The following PEX5L variants were observed in gnomAD, a reference collection of about 807,000 sequenced individuals.
The protein encoded by PEX5L is PEX5-related protein.
PEX5L carries 30 observed loss-of-function variants against 84.0 expected under a neutral mutation model. That is an observed-to-expected ratio of 0.36 (90% CI 0.27 to 0.48). The LOEUF is 0.48. Ranked by LOEUF, PEX5L falls within the 20% of genes least tolerant of loss-of-function variation. The pLI, the probability that PEX5L is intolerant of heterozygous loss-of-function variation, is 0.99. For synonymous variants in PEX5L, 270 were observed against 283.1 expected (o/e 0.95, Z 0.46); for missense variants, 533 against 754.6 (o/e 0.71, Z 3.44).
In PEX5L at chr3:179,874,482, C is replaced by T. The variant is rs549124805; in HGVS notation, c.630-59G>A. 2.7e-5 allele frequency: 24 copies of T among 903,786 alleles called. No homozygotes were observed. The African/African-American group carries it at 2.8e-4, about 11-fold the overall frequency. The allele number at this position is 903,786 out of a possible 1,614,324, so 56.0% of individuals were successfully genotyped here. A position where few individuals can be genotyped will look rare whatever the true frequency, so the allele number is the denominator to read the frequency against. On this transcript the variant is annotated intron_variant, in intron 6 of 14. Transcript: ENST00000467460. ...ACTAGAAACAAATTAAGCTATAAATCCAGCCAAGAAACTAGGTAATTTGGA... is the reference window on the plus strand; with the variant it reads ...ACTAGAAACAAATTAAGCTATAAATTCAGCCAAGAAACTAGGTAATTTGGA...
chr3:179,882,548 T>G (rs904589725), intron 4 of PEX5L, among the ~76,000 whole-genome samples: 4 of 152,214 alleles, frequency 2.6e-5, no homozygotes, highest in African/African-American at 7.2e-5. Flanking sequence ...GGAAAGTCCC[T>G]GCAGAGTACG....
At chr3:179,873,805 G>C (rs930953650) in intron 7 of PEX5L, among the ~76,000 whole-genome samples, 1 of 152,128 alleles carries the variant, frequency 6.6e-6, no homozygotes, top group African/African-American at 2.4e-5. Flanking sequence ...TGAAGTCCCT[G>C]ATACTTAGTA....
intron 1 of PEX5L, chr3:179,973,936 T>C: frequency 1.0e-6 from 1 of 985,388 alleles, no homozygotes; most frequent in Non-Finnish European, 1.2e-6. Context: ...ACTCTAGAAT[T>C]AAGCAATATT....
At chr3:179,974,148 G>C in intron 1 of PEX5L, 1 of 985,416 alleles carries the variant, frequency 1.0e-6, no homozygotes, top group Non-Finnish European at 1.2e-6. Context: ...TTCTATCTAT[G>C]CACTTTTGTC....
intron 2 of PEX5L, among the ~76,000 whole-genome samples, chr3:179,901,105 T>A (rs1412386070): frequency 3.3e-5 from 5 of 152,254 alleles, no homozygotes; most frequent in Non-Finnish European, 5.9e-5. Flanking sequence ...CATGGAACTT[T>A]ACAAATTTGC....
intron 3 of PEX5L, among the ~76,000 whole-genome samples, chr3:179,888,948 A>T (rs1292955058): frequency 6.6e-6 from 1 of 151,460 alleles, no homozygotes; most frequent in East Asian, 1.9e-4. Context: ...AAAATTTTAA[A>T]TTTATTTTTA....
At chr3:180,025,774 T>C (rs1364672519) in intron 1 of PEX5L, among the ~76,000 whole-genome samples, 1 of 152,242 alleles carries the variant, frequency 6.6e-6, no homozygotes, top group Admixed American at 6.5e-5. Context: ...CTAAACTCTT[T>C]ATTCCACAGA....
At chr3:179,851,935 A>G (rs1362885848) in intron 8 of PEX5L, among the ~76,000 whole-genome samples, 2 of 152,208 alleles carry the variant, frequency 1.3e-5, no homozygotes, top group Non-Finnish European at 2.9e-5. Flanking sequence ...TTTCTGTGCT[A>G]CAAGGGTAAT....
chr3:179,846,473 G>A (rs185994513), intron 8 of PEX5L, among the ~76,000 whole-genome samples: 1 of 152,178 alleles, frequency 6.6e-6, no homozygotes, highest in East Asian at 1.9e-4. Flanking sequence ...AACCAACCTC[G>A]TTTCATCACC....
chr3:179,970,024 A>C (rs1009349024), intron 2 of PEX5L, among the ~76,000 whole-genome samples: 3 of 152,118 alleles, frequency 2.0e-5, no homozygotes, highest in African/African-American at 7.2e-5. Flanking sequence ...TTTTCACCAC[A>C]AGGATCTCAA....
At chr3:179,971,784 CT>C in intron 1 of PEX5L, 119 bp from the exon 2 acceptor site, 1 of 987,724 alleles carries the variant, frequency 1.0e-6, no homozygotes, top group Non-Finnish European at 1.4e-6. Context: ...ATGCATCATT[CT>C]TTATATAAAT....
At chr3:179,837,409 A>C (rs1437517022) in intron 8 of PEX5L, among the ~76,000 whole-genome samples, 5 of 152,042 alleles carry the variant, frequency 3.3e-5, no homozygotes, top group Non-Finnish European at 4.4e-5. Flanking sequence ...AACTCTCTTA[A>C]TTTTTCTTCA....
intron 1 of PEX5L, among the ~76,000 whole-genome samples, chr3:180,001,253 C>A (rs182606092): frequency 6.6e-6 from 1 of 151,510 alleles, no homozygotes; most frequent in Non-Finnish European, 1.5e-5. Flanking sequence ...TGCTCCTCAG[C>A]TTGCAGATGG....
At chr3:180,016,912 G>C (rs1219625538) in intron 1 of PEX5L, among the ~76,000 whole-genome samples, 1 of 152,126 alleles carries the variant, frequency 6.6e-6, no homozygotes, top group Admixed American at 6.5e-5. Context: ...AAAGAACAGA[G>C]CATTATAGAT....
At chr3:180,027,173 C>T (rs1026778224) in intron 1 of PEX5L, among the ~76,000 whole-genome samples, 1 of 152,172 alleles carries the variant, frequency 6.6e-6, no homozygotes, top group Non-Finnish European at 1.5e-5. Flanking sequence ...CCTGCTGAGT[C>T]AGGGTGCAAG....
chr3:179,979,177 T>C (rs1008036983), intron 1 of PEX5L, among the ~76,000 whole-genome samples: 5 of 152,302 alleles, frequency 3.3e-5, no homozygotes, highest in African/African-American at 1.2e-4. Flanking sequence ...TCAGCAATGT[T>C]CCACATTACT....
chr3:179,942,491 T>C (rs894906879), intron 2 of PEX5L, among the ~76,000 whole-genome samples: 5 of 152,370 alleles, frequency 3.3e-5, no homozygotes, highest in Admixed American at 3.3e-4. Context: ...CCCCAGCGCT[T>C]CTGCAGGGCA....
chr3:179,995,498 T>C (rs1787804850), intron 1 of PEX5L, among the ~76,000 whole-genome samples: 1 of 152,126 alleles, frequency 6.6e-6, no homozygotes, highest in Admixed American at 6.5e-5. Context: ...AATAAATGCA[T>C]TTGACACTCC....
intron 3 of PEX5L, chr3:179,895,973 GGCTTTACAGGA>G (rs1009797070): frequency 9.9e-5 from 15 of 152,144 alleles, no homozygotes; most frequent in African/African-American, 3.6e-4. Context: ...TGTTATAAGG[GGCTTTACAGGA>G]GACACTGGGA....
Sources: allele counts gnomAD v4.1 joint callset (sites outside exome capture counted in the v4.1 genomes callset), GRCh38; gene constraint gnomAD v4.1.1; transcripts MANE v1.5; gene names NCBI Gene and HGNC (gene_info 2026-07-23, HGNC 2026-07-21).